SAMSN1: variants seen among roughly 807,000 people sequenced by gnomAD.
SAMSN1 encodes the protein SAM domain-containing protein SAMSN-1.
Under a neutral mutation model 42.0 loss-of-function variants are expected in SAMSN1, and 31 were observed. That is an observed-to-expected ratio of 0.74 (90% CI 0.55 to 1.00). SAMSN1 has a LOEUF of 1.00. Among genes scored for constraint, SAMSN1 ranks in the 50% least tolerant of loss-of-function variants. The pLI is 0.00. For synonymous variants in SAMSN1, 178 were observed against 151.9 expected (o/e 1.17, Z -1.26); for missense variants, 464 against 439.4 (o/e 1.06, Z -0.50).
chr21:14,571,249 A>G (rs1157129492), intron 2 of SAMSN1, among the ~76,000 whole-genome samples: 1 of 152,220 alleles, frequency 6.6e-6, no homozygotes, highest in Non-Finnish European at 1.5e-5. Context: ...CTTAACTGGC[A>G]TGATGTAAAT....
intron 2 of SAMSN1, among the ~76,000 whole-genome samples, chr21:14,636,640 G>A (rs371093885): frequency 6.6e-6 from 1 of 152,152 alleles, no homozygotes; most frequent in South Asian, 2.1e-4. Context: ...AACAAGATCA[G>A]GAGATTGAGA....
At chr21:14,489,127 C>A (rs1158525152) in intron 7 of SAMSN1, among the ~76,000 whole-genome samples, 1 of 152,140 alleles carries the variant, frequency 6.6e-6, no homozygotes, top group African/African-American at 2.4e-5. Flanking sequence ...TTAGTCCCTT[C>A]ATGTGGCCAT....
intron 1 of SAMSN1, among the ~76,000 whole-genome samples, chr21:14,656,762 A>G (rs568693071): frequency 1.3e-5 from 2 of 151,806 alleles, no homozygotes; most frequent in Non-Finnish European, 2.9e-5. Flanking sequence ...TAAAAACCCC[A>G]TTTACTAAAA....
chr21:14,577,289 T>A (rs1981537430), intron 2 of SAMSN1, among the ~76,000 whole-genome samples: 4 of 121,152 alleles, frequency 3.3e-5, no homozygotes, highest in Non-Finnish European at 6.8e-5. Context: ...TATATATTTT[T>A]TTTTTAGAAG....
chr21:14,600,261 T>C (rs1375740054), intron 6 of SAMSN1, among the ~76,000 whole-genome samples: 2 of 152,214 alleles, frequency 1.3e-5, no homozygotes, highest in Admixed American at 6.5e-5. Flanking sequence ...CAACAGATAG[T>C]TTGCATCTCC....
chr21:14,628,747 G>T (rs1471384605), intron 2 of SAMSN1, among the ~76,000 whole-genome samples: 1 of 152,154 alleles, frequency 6.6e-6, no homozygotes, highest in Non-Finnish European at 1.5e-5. Context: ...TACTAAGAAT[G>T]ACAAGGATAA....
chr21:14,635,378 A>G (rs1245478932), intron 2 of SAMSN1, among the ~76,000 whole-genome samples: 1 of 152,184 alleles, frequency 6.6e-6, no homozygotes, highest in Non-Finnish European at 1.5e-5. Flanking sequence ...ACCCTGAAAT[A>G]TGAATTAGTA....
upstream of SAMSN1, among the ~76,000 whole-genome samples, chr21:14,550,871 TATC>T (rs1980571740): frequency 6.6e-6 from 1 of 152,084 alleles, no homozygotes; most frequent in Non-Finnish European, 1.5e-5. Flanking sequence ...GAGATGAACA[TATC>T]ATGCAAATTT....
At chr21:14,494,478 G>T (rs1986826997) in intron 7 of SAMSN1, among the ~76,000 whole-genome samples, 1 of 152,074 alleles carries the variant, frequency 6.6e-6, no homozygotes, top group African/African-American at 2.4e-5. Context: ...CCAAACACAT[G>T]TTCTCACTCA....
chr21:14,595,772 A>G (rs1338440997), intron 6 of SAMSN1, among the ~76,000 whole-genome samples: 1 of 152,166 alleles, frequency 6.6e-6, no homozygotes, highest in Non-Finnish European at 1.5e-5. Flanking sequence ...GAGTTCTAGC[A>G]CACAAAATAT....
At position 14,498,587 on chromosome 21, in the gene SAMSN1, G is replaced by A. The variant is rs2123680702; in HGVS notation, c.774C>T (p.Tyr258=). 2 of 1,564,966 alleles carry A rather than the reference G, an allele frequency of 1.3e-6. No homozygotes were observed. The highest frequency in any genetic ancestry group is 2.2e-5 in the Admixed American group (1 of 45,810). The change falls in exon 7 of 8, where the codon TAC becomes TAT. Residue 258 remains tyrosine (Y), a synonymous_variant. Coordinates refer to ENST00000400566, the MANE Select transcript of SAMSN1 (RefSeq NM_022136.5). ...AACCATTGAGCAAAAGTGTTGAGGTGTATTCCTGTAAGACAAAAAATATAA... is the reference window on the plus strand; with the variant it reads ...AACCATTGAGCAAAAGTGTTGAGGTATATTCCTGTAAGACAAAAAATATAA... ...EFLERIHLQE[Y]TSTLLLNGYE... is the part of the protein sequence containing the mutation.
At chr21:14,509,026 G>T (rs1233036894) in intron 5 of SAMSN1, among the ~76,000 whole-genome samples, 2 of 152,084 alleles carry the variant, frequency 1.3e-5, no homozygotes, top group African/African-American at 4.8e-5. Flanking sequence ...TGAGGGAGGA[G>T]AATCGCTTGA....
At position 14,640,813 on chromosome 21, in the gene SAMSN1, TATAC is replaced by T. The variant is rs559980328; in HGVS notation, c.156+2185_156+2188del. On this transcript the variant is annotated intron_variant, in intron 2 of 15. Transcript: ENST00000647101. ...TTGAACTGACTTTTCAGTATGCCTG[TATAC>T]ATACATACATGTTTGTATGTATACA... Among the ~76,000 whole-genome samples the T allele has an allele frequency of 3.3e-3, 499 of 152,238 alleles. 1 individual carries two copies. Among genetic ancestry groups the T allele is most frequent in the Non-Finnish European group, 4.7e-3 (318 of 67,982 alleles).
At chr21:14,658,353 G>A (rs540354790) in intron 1 of SAMSN1, among the ~76,000 whole-genome samples, 3 of 151,898 alleles carry the variant, frequency 2.0e-5, no homozygotes, top group East Asian at 1.9e-4. Context: ...CATTACTCAA[G>A]GAACAAAGAA....
chr21:14,577,274 ATATATATATATTTT>A (rs1238217144), intron 2 of SAMSN1, among the ~76,000 whole-genome samples: 3 of 50,402 alleles, frequency 6.0e-5, no homozygotes, highest in African/African-American at 3.6e-4. Flanking sequence ...ATATATATAT[ATATATATATATTTT>A]TTTTTTAGAA....
intron 2 of SAMSN1, among the ~76,000 whole-genome samples, chr21:14,578,020 T>C (rs1981563205): frequency 1.3e-5 from 2 of 152,238 alleles, no homozygotes; most frequent in Non-Finnish European, 2.9e-5. Flanking sequence ...TGATTCCGTT[T>C]GTTTATAGTA....
In SAMSN1 at chr21:14,500,392, A is replaced by T. The variant is rs1428278219; in HGVS notation, c.768+137T>A. The stretch of plus-strand genomic sequence containing the variant: ...AAAAAAGTAATAAAAGAGAAATAAG[A>T]GCTCTTCTAGGAAAACAGGTTTTCC... On this transcript the variant is annotated intron_variant, in intron 6 of 7. Transcript: ENST00000400566. 20 of 675,040 alleles carry T rather than the reference A, an allele frequency of 3.0e-5. No individual in the cohort carries two copies. The East Asian group carries it at 5.1e-4, about 17-fold the overall frequency. The allele number at this position is 675,040 out of a possible 1,614,324, so 41.8% of individuals were successfully genotyped here. A position where few individuals can be genotyped will look rare whatever the true frequency, so the allele number is the denominator to read the frequency against.
chr21:14,605,810 T>TGA (rs2123310276), intron 5 of SAMSN1, among the ~76,000 whole-genome samples: 1 of 125,690 alleles, frequency 8.0e-6, no homozygotes, highest in African/African-American at 2.9e-5. Context: ...TAAAGAAGAT[T>TGA]TATTTATTTA....
In SAMSN1 at chr21:14,527,760, TAAAAA is replaced by T. The variant is rs71183427; in HGVS notation, c.58-6544_58-6540del. On this transcript the variant is annotated intron_variant, in intron 1 of 7. Transcript: ENST00000400566. ...TTACCTGAAGGAAAGAAACTAGAAC[TAAAAA>T]AAAAAAAAAAAAAAAAAATGCAGAA... Among the ~76,000 whole-genome samples, 454 of 107,836 alleles carry T rather than the reference TAAAAA, an allele frequency of 4.2e-3. 2 individuals are homozygous for T. Among genetic ancestry groups the T allele is most frequent in the African/African-American group, 0.018 (392 of 22,176 alleles). The allele number at this position is 107,836 out of a possible 152,430, so 70.7% of individuals were successfully genotyped here. A position where few individuals can be genotyped will look rare whatever the true frequency, so the allele number is the denominator to read the frequency against.
Sources: gnomAD v4.1 joint callset for allele counts (sites outside exome capture counted in the v4.1 genomes callset) on GRCh38, gnomAD v4.1.1 for gene constraint, MANE v1.5 for transcripts, NCBI Gene and HGNC (gene_info 2026-07-23, HGNC 2026-07-21) for gene names.